GPC6: variants seen among roughly 807,000 people sequenced by gnomAD.
GPC6 encodes glypican-6.
Under a neutral mutation model 55.2 loss-of-function variants are expected in GPC6, and 14 were observed. The observed-to-expected ratio is 0.25, with a 90% CI of 0.17 to 0.40. The LOEUF (loss-of-function observed/expected upper bound fraction) is 0.40. Ranked by LOEUF, GPC6 falls within the 10% of genes least tolerant of loss-of-function variation. The pLI, the probability that GPC6 is intolerant of heterozygous loss-of-function variation, is 1.00. For synonymous variants in GPC6, 278 were observed against 259.6 expected, an observed-to-expected ratio of 1.07 and a Z score of -0.68; for missense variants, 641 against 708.5, an observed-to-expected ratio of 0.90 and a Z score of 1.08.
At chr13:93,327,627 A>G (rs958975798) in intron 1 of GPC6, among the ~76,000 whole-genome samples, 1 of 152,152 alleles carries the variant, frequency 6.6e-6, no homozygotes, top group South Asian at 2.1e-4. Context: ...AACATCTCAC[A>G]GTCTCAGTCT....
chr13:93,893,345 C>G (rs923010408), intron 3 of GPC6, among the ~76,000 whole-genome samples: 2 of 152,060 alleles, frequency 1.3e-5, no homozygotes, highest in Non-Finnish European at 2.9e-5. Context: ...CATGATCCAC[C>G]GCTCCCGGCC....
intron 6 of GPC6, among the ~76,000 whole-genome samples, chr13:94,319,931 T>C (rs1204699090): frequency 6.6e-6 from 1 of 152,230 alleles, no homozygotes; most frequent in Non-Finnish European, 1.5e-5. Flanking sequence ...TCTGGAAAAT[T>C]CTAAGCCATT....
intron 1 of GPC6, among the ~76,000 whole-genome samples, chr13:93,446,179 G>A (rs1174544105): frequency 1.3e-5 from 2 of 152,112 alleles, no homozygotes; most frequent in Non-Finnish European, 1.5e-5. Context: ...AAGGTCAAGA[G>A]TAAGAGTATA....
At chr13:94,214,078 G>A (rs1475441089) in intron 4 of GPC6, among the ~76,000 whole-genome samples, 1 of 152,204 alleles carries the variant, frequency 6.6e-6, no homozygotes, top group Non-Finnish European at 1.5e-5. Context: ...TAGGATTTGA[G>A]TTTTGGACTG....
intron 4 of GPC6, among the ~76,000 whole-genome samples, chr13:94,155,643 A>T (rs751515332): frequency 1.3e-5 from 2 of 152,184 alleles, no homozygotes; most frequent in Non-Finnish European, 2.9e-5. Flanking sequence ...AGGAGAACTG[A>T]CCTAATCTGT....
At chr13:93,820,943 TG>T (rs754165243) in intron 2 of GPC6, among the ~76,000 whole-genome samples, 3 of 152,160 alleles carry the variant, frequency 2.0e-5, no homozygotes, top group East Asian at 3.8e-4. Flanking sequence ...ATGAAAATAC[TG>T]AAAGAAAAGG....
chr13:93,943,492 T>C (rs1405649186), intron 3 of GPC6, among the ~76,000 whole-genome samples: 1 of 152,172 alleles, frequency 6.6e-6, no homozygotes, highest in East Asian at 1.9e-4. Context: ...GAGTCCCTCA[T>C]AGAATTGGCT....
chr13:93,362,130 C>T (rs1256738406), intron 1 of GPC6, among the ~76,000 whole-genome samples: 1 of 152,190 alleles, frequency 6.6e-6, no homozygotes, highest in Non-Finnish European at 1.5e-5. Context: ...TGCCAGTTCA[C>T]CTCTACATGC....
chr13:93,635,705 A>C (rs1460779272), intron 2 of GPC6, among the ~76,000 whole-genome samples: 1 of 152,190 alleles, frequency 6.6e-6, no homozygotes, highest in African/African-American at 2.4e-5. Flanking sequence ...TCCTGGCATG[A>C]TGTGGTGAGA....
Position 93,986,104 on chromosome 13 carries a change from A to G in GPC6, c.712-41625A>G, listed in dbSNP as rs566911230. Among the ~76,000 whole-genome samples the G allele has an allele frequency of 3.3e-5, 5 of 152,306 alleles. No homozygotes were observed. In the South Asian group the frequency reaches 1.0e-3, roughly 32 times the overall value. On this transcript the variant is annotated intron_variant, in intron 3 of 8. Coordinates refer to ENST00000377047, the MANE Select transcript of GPC6 (RefSeq NM_005708.5). ...TACTCAACCCCAAGTTTCATTTTCA[A>G]AAACAAAAATTTAAATGTTGTGTGA...
intron 1 of GPC6, among the ~76,000 whole-genome samples, chr13:93,229,506 A>G (rs1489704646): frequency 6.6e-6 from 1 of 152,210 alleles, no homozygotes; most frequent in Non-Finnish European, 1.5e-5. Context: ...CATCAGGCAC[A>G]TCTCTTTAAT....
intron 1 of GPC6, among the ~76,000 whole-genome samples, chr13:93,453,402 G>T (rs1878301456): frequency 6.6e-6 from 1 of 151,930 alleles, no homozygotes; most frequent in Non-Finnish European, 1.5e-5. Context: ...AGACTTTGTG[G>T]AGTGCTTACC....
chr13:93,901,345 A>C (rs746379489), intron 3 of GPC6, among the ~76,000 whole-genome samples: 1 of 150,916 alleles, frequency 6.6e-6, no homozygotes, highest in South Asian at 2.1e-4. Context: ...AAGTATTTGT[A>C]TTATACTTTT....
At chr13:93,569,186 A>G (rs1876281291) in intron 2 of GPC6, among the ~76,000 whole-genome samples, 1 of 152,184 alleles carries the variant, frequency 6.6e-6, no homozygotes, top group Non-Finnish European at 1.5e-5. Context: ...AATAGTCTTT[A>G]TTCCTGAAGA....
chr13:94,120,417 T>A (rs1233675797), intron 4 of GPC6, among the ~76,000 whole-genome samples: 1 of 152,128 alleles, frequency 6.6e-6, no homozygotes, highest in Non-Finnish European at 1.5e-5. Flanking sequence ...GTCACTTACC[T>A]TAATTCCTCT....
chr13:93,424,054 A>G (rs762490846), intron 1 of GPC6, among the ~76,000 whole-genome samples: 5 of 152,134 alleles, frequency 3.3e-5, no homozygotes, highest in Non-Finnish European at 4.4e-5. Flanking sequence ...TTTTCCAGAT[A>G]CATTTTAAGG....
At chr13:93,668,406 T>C (rs1165411384) in intron 2 of GPC6, among the ~76,000 whole-genome samples, 7 of 152,224 alleles carry the variant, frequency 4.6e-5, no homozygotes, top group Non-Finnish European at 1.0e-4. Flanking sequence ...ATTTCTTGCC[T>C]GATAGTGTAG....
intron 3 of GPC6, among the ~76,000 whole-genome samples, chr13:93,973,792 C>G (rs1424301821): frequency 6.6e-6 from 1 of 152,132 alleles, no homozygotes; most frequent in Non-Finnish European, 1.5e-5. Flanking sequence ...TCCAAAACTA[C>G]AGATGCATGT....
At chr13:94,014,087 A>G (rs190842625) in intron 3 of GPC6, among the ~76,000 whole-genome samples, 6 of 152,232 alleles carry the variant, frequency 3.9e-5, no homozygotes, top group Admixed American at 1.3e-4. Flanking sequence ...ACAATTCATA[A>G]TTGTTTCCTG....
Sources: gnomAD v4.1 joint callset for allele counts (sites outside exome capture counted in the v4.1 genomes callset) on GRCh38, gnomAD v4.1.1 for gene constraint, MANE v1.5 for transcripts, NCBI Gene and HGNC (gene_info 2026-07-23, HGNC 2026-07-21) for gene names.